RBFOX1: variants seen among roughly 807,000 people sequenced by gnomAD.
RBFOX1 encodes the protein RNA binding fox-1 homolog 1, also known as RNA binding protein fox-1 homolog 1.
RBFOX1 carries 8 observed loss-of-function variants against 57.7 expected under a neutral mutation model. The observed-to-expected ratio is 0.14, with a 90% CI of 0.08 to 0.25. The LOEUF (loss-of-function observed/expected upper bound fraction) is 0.25, where lower values mean the gene tolerates loss of function less well. Among genes scored for constraint, RBFOX1 ranks in the 10% least tolerant of loss-of-function variants. RBFOX1 has a pLI of 1.00. For synonymous variants in RBFOX1, 326 were observed against 222.4 expected, an observed-to-expected ratio of 1.47 and a Z score of -4.15; for missense variants, 611 against 548.5, an observed-to-expected ratio of 1.11 and a Z score of -1.14.
At chr16:5,396,716 C>G (rs565294156) in intron 1 of RBFOX1, among the ~76,000 whole-genome samples, 6 of 152,296 alleles carry the variant, frequency 3.9e-5, no homozygotes, top group African/African-American at 9.6e-5. Context: ...CAGTCATGGA[C>G]TCATCTGTAT....
At chr16:6,205,455 C>T (rs575407340) in intron 1 of RBFOX1, among the ~76,000 whole-genome samples, 1 of 152,164 alleles carries the variant, frequency 6.6e-6, no homozygotes, top group Non-Finnish European at 1.5e-5. Context: ...GGGAAGCACA[C>T]TTCTTCTCTG....
chr16:6,151,664 A>G (rs978571928), intron 1 of RBFOX1, among the ~76,000 whole-genome samples: 1 of 152,226 alleles, frequency 6.6e-6, no homozygotes, highest in Admixed American at 6.5e-5. Flanking sequence ...CGTAATTGAA[A>G]CAGATTTGTT....
At chr16:5,521,828 C>G (rs1369262874) in intron 2 of RBFOX1, among the ~76,000 whole-genome samples, 1 of 152,192 alleles carries the variant, frequency 6.6e-6, no homozygotes, top group Non-Finnish European at 1.5e-5. Flanking sequence ...CCCGGAAGTT[C>G]ACATGTTATT....
At chr16:6,601,424 A>C (rs767925012) in intron 2 of RBFOX1, among the ~76,000 whole-genome samples, 5 of 152,108 alleles carry the variant, frequency 3.3e-5, no homozygotes, top group Admixed American at 1.3e-4. Flanking sequence ...ACTCCGGGAG[A>C]GTCCTAAAAT....
At chr16:5,897,560 G>A (rs757947041) in intron 4 of RBFOX1, among the ~76,000 whole-genome samples, 83 of 152,126 alleles carry the variant, frequency 5.5e-4, no homozygotes, top group Admixed American at 5.0e-3. Context: ...CCCGGGGTTT[G>A]CTCCACTTAA....
chr16:7,569,851 C>A (rs1436330812), intron 5 of RBFOX1, among the ~76,000 whole-genome samples: 1 of 149,944 alleles, frequency 6.7e-6, no homozygotes, highest in Non-Finnish European at 1.5e-5. Context: ...GGAGTGAGCG[C>A]CTCTGTCTCC....
At chr16:6,799,179 G>C (rs1395725836) in intron 3 of RBFOX1, among the ~76,000 whole-genome samples, 6 of 152,076 alleles carry the variant, frequency 3.9e-5, no homozygotes, top group African/African-American at 1.4e-4. Flanking sequence ...GAATTCAAAA[G>C]TGTGCTGATG....
chr16:5,750,494 T>G (rs890462272), intron 3 of RBFOX1, among the ~76,000 whole-genome samples: 1 of 152,242 alleles, frequency 6.6e-6, no homozygotes, highest in East Asian at 1.9e-4. Flanking sequence ...GCAGGCCTCC[T>G]TGAGCTGTGG....
chr16:6,832,123 C>T (rs551404832), intron 3 of RBFOX1, among the ~76,000 whole-genome samples: 142 of 152,272 alleles, frequency 9.3e-4, no homozygotes, highest in Non-Finnish European at 1.7e-3. Context: ...AAAACTTTTT[C>T]CTGATATTTC....
chr16:7,166,787 A>C (rs1035496979), intron 4 of RBFOX1, among the ~76,000 whole-genome samples: 4 of 152,014 alleles, frequency 2.6e-5, no homozygotes, highest in Admixed American at 2.6e-4. Context: ...CAGGACAGAC[A>C]GCCAAAGGAG....
Position 7,289,304 on chromosome 16 carries a change from C to T in RBFOX1, c.28-228843C>T, listed in dbSNP as rs554855746. ...TCCCTTTGTTTCTAGCCTAAGAGAA[C>T]AGGGCTGGCTGTCTTTCCCACAAAG... On this transcript the variant is annotated intron_variant, in intron 4 of 15. Coordinates refer to ENST00000550418, the MANE Select transcript of RBFOX1 (RefSeq NM_018723.4). Among the ~76,000 whole-genome samples, 327 of 152,224 alleles carry T rather than the reference C, an allele frequency of 2.1e-3. 3 individuals are homozygous for T. The highest frequency in any genetic ancestry group is 4.0e-3 in the Non-Finnish European group (274 of 68,016).
At chr16:7,542,262 C>G (rs1052963076) in intron 5 of RBFOX1, among the ~76,000 whole-genome samples, 1 of 152,102 alleles carries the variant, frequency 6.6e-6, no homozygotes, top group Non-Finnish European at 1.5e-5. Flanking sequence ...AATATCTAGG[C>G]AAGCAGCCAA....
At chr16:5,785,180 G>T (rs1425244061) in intron 3 of RBFOX1, among the ~76,000 whole-genome samples, 2 of 152,198 alleles carry the variant, frequency 1.3e-5, no homozygotes, top group Non-Finnish European at 2.9e-5. Flanking sequence ...AACGGTCCTT[G>T]CTATGTGGTA....
intron 4 of RBFOX1, among the ~76,000 whole-genome samples, chr16:7,422,116 G>A (rs1485920604): frequency 6.6e-6 from 1 of 152,144 alleles, no homozygotes; most frequent in Non-Finnish European, 1.5e-5. Flanking sequence ...TCGAGCCTGT[G>A]ATTCTGGGCC....
chr16:7,625,437 A>G (rs1183599200), intron 10 of RBFOX1, among the ~76,000 whole-genome samples: 1 of 152,164 alleles, frequency 6.6e-6, no homozygotes, highest in Non-Finnish European at 1.5e-5. Flanking sequence ...TAATTTCTTA[A>G]TAACTCCTGT....
intron 4 of RBFOX1, among the ~76,000 whole-genome samples, chr16:7,059,545 G>A (rs1365735582): frequency 6.6e-6 from 1 of 152,116 alleles, no homozygotes; most frequent in South Asian, 2.1e-4. Context: ...GACAACCATT[G>A]GCAAAAAATG....
intron 2 of RBFOX1, among the ~76,000 whole-genome samples, chr16:5,567,118 G>C (rs1419901084): frequency 6.6e-6 from 1 of 152,206 alleles, no homozygotes; most frequent in Non-Finnish European, 1.5e-5. Context: ...TGGAGATGTT[G>C]AAACAGAAAG....
chr16:6,298,500 G>C (rs1189855920), intron 1 of RBFOX1, among the ~76,000 whole-genome samples: 1 of 152,194 alleles, frequency 6.6e-6, no homozygotes, highest in African/African-American at 2.4e-5. Flanking sequence ...AATAATCAGA[G>C]AGTGACTGCT....
At chr16:6,616,972 A>C (rs7200031) in intron 2 of RBFOX1, among the ~76,000 whole-genome samples, 36,293 of 152,132 alleles carry the variant, frequency 0.24, 4,442 homozygotes, top group Admixed American at 0.3. Flanking sequence ...GTTTTGCAAC[A>C]GAGACCTTAT....
Sources: allele counts gnomAD v4.1 joint callset (sites outside exome capture counted in the v4.1 genomes callset), GRCh38; gene constraint gnomAD v4.1.1; transcripts MANE v1.5; gene names NCBI Gene and HGNC (gene_info 2026-07-23, HGNC 2026-07-21).